The following LDLRAD4 variants were observed in gnomAD, a reference collection of about 807,000 sequenced individuals.
LDLRAD4 encodes low-density lipoprotein receptor class A domain-containing protein 4.
In LDLRAD4, 5 loss-of-function variants were observed where a neutral mutation model predicts 17.0. The ratio of observed to expected loss-of-function variants is 0.29; its 90% CI spans 0.15 to 0.62. The LOEUF (loss-of-function observed/expected upper bound fraction) is 0.62, where lower values mean the gene tolerates loss of function less well. Among genes scored for constraint, LDLRAD4 ranks in the 20% least tolerant of loss-of-function variants. The pLI is 0.84. For synonymous variants in LDLRAD4, 168 were observed against 171.8 expected (o/e 0.98, Z 0.17); for missense variants, 340 against 424.7 (o/e 0.80, Z 1.75).
At chr18:13,429,640 C>G (rs150646513) in intron 2 of LDLRAD4, among the ~76,000 whole-genome samples, 83 of 152,336 alleles carry the variant, frequency 5.4e-4, no homozygotes, top group African/African-American at 1.9e-3. Flanking sequence ...AATCGAAGGA[C>G]TTTTAGAACA....
intron 2 of LDLRAD4, among the ~76,000 whole-genome samples, chr18:13,404,363 G>A (rs560693171): frequency 5.2e-4 from 79 of 152,300 alleles, no homozygotes; most frequent in Middle Eastern, 3.4e-3. Context: ...GTGCCGCGAC[G>A]GTGTGGCCGC....
chr18:13,482,108 C>T lies in LDLRAD4; in HGVS notation c.181+43724C>T, dbSNP rs536189654. Among the ~76,000 whole-genome samples, 10 of 152,122 alleles carry T rather than the reference C, an allele frequency of 6.6e-5. No homozygotes were observed. The South Asian group carries it at 8.3e-4, about 13-fold the overall frequency. On this transcript the variant is annotated intron_variant, in intron 3 of 5. Transcript: ENST00000359446. The stretch of plus-strand genomic sequence containing the variant: ...GCAAGCAGGGACAGGAAGGCCAACG[C>T]TGCCTTCCAGGAAGGAGACCCAGTG...
intron 3 of LDLRAD4, among the ~76,000 whole-genome samples, chr18:13,564,830 C>G (rs2094580673): frequency 6.6e-6 from 1 of 152,190 alleles, no homozygotes; most frequent in South Asian, 2.1e-4. Context: ...GTGTGCCTTG[C>G]TCTTTAGGCA....
intron 2 of LDLRAD4, among the ~76,000 whole-genome samples, chr18:13,437,737 A>G (rs368954023): frequency 1.1e-4 from 17 of 152,332 alleles, no homozygotes; most frequent in Admixed American, 3.9e-4. Context: ...GAGGTGAAAT[A>G]TGTTGTCCAG....
chr18:13,552,486 C>T (rs935989038), intron 3 of LDLRAD4, among the ~76,000 whole-genome samples: 3 of 152,166 alleles, frequency 2.0e-5, no homozygotes, highest in Admixed American at 6.5e-5. Context: ...TTTAAGGTTC[C>T]CTTAGCTCCT....
At chr18:13,379,351 G>A (rs2085167227) in intron 1 of LDLRAD4, among the ~76,000 whole-genome samples, 1 of 152,258 alleles carries the variant, frequency 6.6e-6, no homozygotes, top group Admixed American at 6.5e-5. Flanking sequence ...GCAGGACAGA[G>A]GCCATAGATT....
At chr18:13,281,150 G>C (rs1599092807) in intron 1 of LDLRAD4, among the ~76,000 whole-genome samples, 3 of 152,332 alleles carry the variant, frequency 2.0e-5, no homozygotes, top group Non-Finnish European at 2.9e-5. Flanking sequence ...ACTTTGAGAG[G>C]CTAAGGCAGG....
At chr18:13,417,342 GA>G (rs2088994934) in intron 2 of LDLRAD4, among the ~76,000 whole-genome samples, 1 of 152,116 alleles carries the variant, frequency 6.6e-6, no homozygotes, top group Non-Finnish European at 1.5e-5. Flanking sequence ...AGGTCTTAAG[GA>G]AAACCACGTG....
intron 1 of LDLRAD4, among the ~76,000 whole-genome samples, chr18:13,330,684 A>G (rs538443468): frequency 6.6e-6 from 1 of 152,164 alleles, no homozygotes; most frequent in Non-Finnish European, 1.5e-5. Flanking sequence ...GAATCTCCAC[A>G]GTGATGTCTT....
At chr18:13,637,029 C>T (rs1454663816) in intron 4 of LDLRAD4, among the ~76,000 whole-genome samples, 1 of 152,034 alleles carries the variant, frequency 6.6e-6, no homozygotes, top group East Asian at 1.9e-4. Context: ...AACTCCTGAC[C>T]TCAGGTGATC....
chr18:13,229,461 G>A (rs2041963723), intron 1 of LDLRAD4, among the ~76,000 whole-genome samples: 1 of 152,172 alleles, frequency 6.6e-6, no homozygotes, highest in South Asian at 2.1e-4. Context: ...AAGGCAGCTC[G>A]TGAGCCAAGT....
intron 1 of LDLRAD4, among the ~76,000 whole-genome samples, chr18:13,233,232 G>A (rs904132088): frequency 6.6e-6 from 1 of 152,234 alleles, no homozygotes; most frequent in Admixed American, 6.5e-5. Flanking sequence ...ATGCCATGCC[G>A]TTCAGATACG....
chr18:13,624,795 C>T (rs1335994021), intron 4 of LDLRAD4, among the ~76,000 whole-genome samples: 2 of 152,182 alleles, frequency 1.3e-5, no homozygotes, highest in African/African-American at 4.8e-5. Flanking sequence ...CAGGGAGGGC[C>T]CTGTGCCCCC....
intron 1 of LDLRAD4, among the ~76,000 whole-genome samples, chr18:13,293,138 T>C (rs774832682): frequency 1.3e-4 from 20 of 152,210 alleles, no homozygotes; most frequent in Non-Finnish European, 2.6e-4. Flanking sequence ...TTTTTGACAG[T>C]CTTTGAAGCA....
intron 3 of LDLRAD4, among the ~76,000 whole-genome samples, chr18:13,609,957 G>T (rs1415304030): frequency 2.0e-5 from 3 of 152,138 alleles, no homozygotes; most frequent in Non-Finnish European, 4.4e-5. Flanking sequence ...ACTCTAGCCT[G>T]GGCGACACAG....
intron 3 of LDLRAD4, among the ~76,000 whole-genome samples, chr18:13,533,487 C>T (rs1218198902): frequency 5.9e-5 from 9 of 152,132 alleles, no homozygotes; most frequent in Non-Finnish European, 1.5e-5. Context: ...CAATTTTTTT[C>T]ATATTCTTTG....
chr18:13,399,221 A>G (rs2086955754), intron 2 of LDLRAD4, among the ~76,000 whole-genome samples: 1 of 152,102 alleles, frequency 6.6e-6, no homozygotes, highest in Non-Finnish European at 1.5e-5. Context: ...AAAAAGAAAA[A>G]AAAAGACGCT....
At chr18:13,219,331 A>G (rs544864581) in intron 1 of LDLRAD4, among the ~76,000 whole-genome samples, 1 of 152,210 alleles carries the variant, frequency 6.6e-6, no homozygotes, top group East Asian at 1.9e-4. Context: ...AACTAGCATG[A>G]TTTTTGTTTT....
chr18:13,592,342 T>C (rs2095040333), intron 3 of LDLRAD4, among the ~76,000 whole-genome samples: 1 of 152,250 alleles, frequency 6.6e-6, no homozygotes, highest in African/African-American at 2.4e-5. Context: ...CTCACTCAGA[T>C]ATTTCCTATT....
Sources: gnomAD v4.1 joint callset for allele counts (sites outside exome capture counted in the v4.1 genomes callset) on GRCh38, gnomAD v4.1.1 for gene constraint, MANE v1.5 for transcripts, NCBI Gene and HGNC (gene_info 2026-07-23, HGNC 2026-07-21) for gene names.